The following QRSL1 variants were observed in gnomAD, a reference collection of about 807,000 sequenced individuals.
The protein encoded by QRSL1 is glutamyl-tRNA(Gln) amidotransferase subunit A, mitochondrial.
Under a neutral mutation model 61.6 loss-of-function variants are expected in QRSL1, and 54 were observed. The observed-to-expected ratio is 0.88, with a 90% CI of 0.70 to 1.10. The LOEUF is 1.10. Among genes scored for constraint, QRSL1 ranks in the 50% least tolerant of loss-of-function variants. The pLI is 0.00. For synonymous variants in QRSL1, 228 were observed against 225.7 expected (o/e 1.01, Z -0.09); for missense variants, 505 against 622.6 (o/e 0.81, Z 2.01).
intron 1 of QRSL1, among the ~76,000 whole-genome samples, chr6:106,633,914 C>A (rs1277974385): frequency 7.3e-5 from 11 of 150,216 alleles, no homozygotes; most frequent in African/African-American, 2.5e-4. Flanking sequence ...TGAAACCTAA[C>A]TTTTTTGTGT....
chr6:106,656,535 A>G (rs1777274609), intron 9 of QRSL1, among the ~76,000 whole-genome samples: 1 of 152,270 alleles, frequency 6.6e-6, no homozygotes, highest in South Asian at 2.1e-4. Flanking sequence ...CTAAGAGGAC[A>G]TGAGAAGTGT....
chr6:106,633,915 T>C (rs1485292065), intron 1 of QRSL1, among the ~76,000 whole-genome samples: 1 of 151,374 alleles, frequency 6.6e-6, no homozygotes, highest in African/African-American at 2.4e-5. Context: ...GAAACCTAAC[T>C]TTTTTGTGTG....
At chr6:106,649,782 A>T (rs1777166521) in intron 5 of QRSL1, among the ~76,000 whole-genome samples, 1 of 152,178 alleles carries the variant, frequency 6.6e-6, no homozygotes, top group Admixed American at 6.5e-5. Context: ...TGTATTTGGT[A>T]AGAATCCATT....
chr6:106,652,925 A>G, intron 7 of QRSL1: 1 of 587,732 alleles, frequency 1.7e-6, no homozygotes, highest in South Asian at 2.9e-5. Context: ...AAGCAGCCAC[A>G]GACAATATGT....
intron 1 of QRSL1, among the ~76,000 whole-genome samples, chr6:106,639,326 A>G (rs1173425611): frequency 2.0e-5 from 3 of 151,748 alleles, no homozygotes; most frequent in Non-Finnish European, 4.4e-5. Context: ...GAGTTTCACC[A>G]TGTTGGCCAG....
chr6:106,655,618 A>G lies in QRSL1; in HGVS notation c.1046A>G (p.His349Arg). Residue 349 changes from histidine (H) to arginine (R), a missense_variant, in exon 9 of 11, where the codon CAC (histidine) becomes CGC (arginine). Transcript: ENST00000369046. Reference sequence around the variant, plus strand: ...TTTACCCTTTTCTTGTTTTCAGGTCACAGATGTGACATTGATGTGTCCACT... The same window carrying G: ...TTTACCCTTTTCTTGTTTTCAGGTCGCAGATGTGACATTGATGTGTCCACT... ...MARFDGLQYG[H>R]RCDIDVSTEA... 1.9e-6 allele frequency: 3 copies of G among 1,605,200 alleles called. No individual in the cohort carries two copies. The highest frequency in any genetic ancestry group is 2.6e-6 in the Non-Finnish European group (3 of 1,173,176).
At position 106,667,151 on chromosome 6, in the gene QRSL1, G is replaced by C. The variant is rs1209991919; in HGVS notation, c.*1149G>C. The C allele has an allele frequency of 6.6e-6, 1 of 152,156 alleles. No individual in the cohort carries two copies. Among genetic ancestry groups the C allele is most frequent in the African/African-American group, 2.4e-5 (1 of 41,428 alleles). The allele number at this position is 152,156 out of a possible 1,614,324, so 9.4% of individuals were successfully genotyped here. On this transcript the variant is annotated 3_prime_UTR_variant, in exon 11 of 11. Coordinates refer to ENST00000369046, the MANE Select transcript of QRSL1 (RefSeq NM_018292.5). ...AGCAGAGCATGGTATTAGTGAAAAA[G>C]GTTCAAAATACACAAGTAACATACA... is the stretch of plus-strand genomic sequence containing the variant.
At chr6:106,652,843 G>C in intron 7 of QRSL1, 1 of 1,240,724 alleles carries the variant, frequency 8.1e-7, no homozygotes, top group Non-Finnish European at 1.1e-6. Flanking sequence ...TAATGGGCAA[G>C]ATAGCAAATA....
intron 3 of QRSL1, among the ~76,000 whole-genome samples, chr6:106,641,512 G>C (rs1223905045): frequency 6.6e-6 from 1 of 152,144 alleles, no homozygotes; most frequent in Non-Finnish European, 1.5e-5. Flanking sequence ...ATTCTTTAGA[G>C]TTTGGTCAAA....
intron 1 of QRSL1, among the ~76,000 whole-genome samples, chr6:106,635,490 A>G (rs969459838): frequency 6.6e-6 from 1 of 152,214 alleles, no homozygotes; most frequent in Non-Finnish European, 1.5e-5. Context: ...GACTGTGTTA[A>G]AGAGAGGATG....
intron 1 of QRSL1, 111 bp downstream of exon 1, chr6:106,629,816 C>T (rs1776777154): frequency 1.5e-6 from 2 of 1,329,986 alleles, no homozygotes. Context: ...TCGCTGCTTC[C>T]TCTAGAACTG....
At chr6:106,638,679 G>A (rs146343018) in intron 1 of QRSL1, among the ~76,000 whole-genome samples, 2,250 of 152,140 alleles carry the variant, frequency 0.015, 30 homozygotes, top group Non-Finnish European at 0.024. Context: ...CCTTAAATCG[G>A]ACCTTGCTGC....
At position 106,637,576 on chromosome 6, in the gene QRSL1, T is replaced by C. The variant is rs577351720; in HGVS notation, c.25-2773T>C. ...TTTGAGAGAAGAGGGAAGAGAAGCATTGAGGAACAAGGAGATCATCTTTCC... is the reference window on the plus strand; with the variant it reads ...TTTGAGAGAAGAGGGAAGAGAAGCACTGAGGAACAAGGAGATCATCTTTCC... On this transcript the variant is annotated intron_variant, in intron 1 of 10. Transcript: ENST00000369046. 6.6e-5 allele frequency among the ~76,000 whole-genome samples: 10 copies of C among 152,140 alleles called. No individual in the cohort carries two copies. In the South Asian group the frequency reaches 2.1e-3, roughly 32 times the overall value.
chr6:106,632,693 A>G (rs1008224578), intron 1 of QRSL1, among the ~76,000 whole-genome samples: 2 of 152,212 alleles, frequency 1.3e-5, no homozygotes, highest in East Asian at 1.9e-4. Flanking sequence ...TTGATTTGCA[A>G]TTCTCTGATG....
intron 9 of QRSL1, 97 bp from the exon 10 acceptor site, chr6:106,662,883 G>A (rs1777378358): frequency 9.1e-7 from 1 of 1,096,786 alleles, no homozygotes; most frequent in Non-Finnish European, 1.3e-6. Flanking sequence ...CCAGAAAATG[G>A]AAATCCAATG....
chr6:106,652,309 C>T lies in QRSL1; in HGVS notation c.658C>T (p.Leu220Phe), dbSNP rs776120058. 1.9e-6 allele frequency: 3 copies of T among 1,614,164 alleles called. No homozygotes were observed. Among genetic ancestry groups the T allele is most frequent in the Non-Finnish European group, 1.7e-6 (2 of 1,180,038 alleles). Residue 220 changes from leucine (L) to phenylalanine (F), a missense_variant, in exon 6 of 11, where the codon CTC (leucine) becomes TTC (phenylalanine). Physicochemically the swap from Leu to Phe is conservative, Grantham distance 22 (BLOSUM62 0). Coordinates refer to ENST00000369046, the MANE Select transcript of QRSL1 (RefSeq NM_018292.5). Reference protein sequence around the residue: ...PSYGLVSRHGLIPLVNSMDVP... With the variant: ...PSYGLVSRHGFIPLVNSMDVP... ...CTATGGCTTAGTTTCCCGTCATGGT[C>T]TCATTCCCCTGGTGAATTCGATGGA...
chr6:106,661,810 C>G (rs1304947048), intron 9 of QRSL1, among the ~76,000 whole-genome samples: 2 of 136,716 alleles, frequency 1.5e-5, no homozygotes, highest in Admixed American at 1.7e-4. Context: ...CTCCCAGGTT[C>G]AAGCAATGCT....
chr6:106,645,942 T>G (rs1016457154), intron 4 of QRSL1, among the ~76,000 whole-genome samples: 23 of 152,226 alleles, frequency 1.5e-4, no homozygotes, highest in African/African-American at 5.1e-4. Context: ...TCTTCTTGCC[T>G]TACTGCACCA....
intron 9 of QRSL1, among the ~76,000 whole-genome samples, chr6:106,657,933 G>A (rs1777296271): frequency 6.6e-6 from 1 of 152,120 alleles, no homozygotes; most frequent in Non-Finnish European, 1.5e-5. Flanking sequence ...TCAAACTCCT[G>A]ACCTCGTGAT....
Sources: gnomAD v4.1 joint callset for allele counts (sites outside exome capture counted in the v4.1 genomes callset) on GRCh38, gnomAD v4.1.1 for gene constraint, MANE v1.5 for transcripts, NCBI Gene and HGNC (gene_info 2026-07-23, HGNC 2026-07-21) for gene names.